Variants in ANTXR2 observed in about 807,000 individuals in gnomAD.
ANTXR2 encodes the protein anthrax toxin receptor 2.
Under a neutral mutation model 73.7 loss-of-function variants are expected in ANTXR2, and 44 were observed. That is an observed-to-expected ratio of 0.60 (90% CI 0.47 to 0.77). The LOEUF (loss-of-function observed/expected upper bound fraction) is 0.77, where lower values mean the gene tolerates loss of function less well. Among genes scored for constraint, ANTXR2 ranks in the 30% least tolerant of loss-of-function variants. ANTXR2 has a pLI of 0.00. For missense variants in ANTXR2, 604 were observed against 592.5 expected (o/e 1.02, Z -0.20); for synonymous variants, 217 against 205.9 (o/e 1.05, Z -0.46).
intron 12 of ANTXR2, among the ~76,000 whole-genome samples, chr4:79,993,393 G>A (rs1730564185): frequency 1.3e-5 from 2 of 151,712 alleles, no homozygotes; most frequent in African/African-American, 4.8e-5. Context: ...GAGATAGACT[G>A]CAGAGGGAAG....
At position 80,000,930 on chromosome 4, in the gene ANTXR2, CT is replaced by C. The variant is rs147589183; in HGVS notation, c.1041+7590del. Among the ~76,000 whole-genome samples the C allele has an allele frequency of 4.8e-3, 733 of 152,152 alleles. 2 individuals carry two copies. The highest frequency in any genetic ancestry group is 7.2e-3 in the Non-Finnish European group (487 of 67,976). On this transcript the variant is annotated intron_variant, in intron 12 of 16. Transcript: ENST00000403729. ...GCTCCTCTAGCAAATCATATCACCC[CT>C]GAGGAAGCTGTCCATGGATCTCTGT...
In ANTXR2 at chr4:80,067,248, T is replaced by C. The variant is rs552293030; in HGVS notation, c.296+2188A>G. 2.6e-5 allele frequency among the ~76,000 whole-genome samples: 4 copies of C among 151,970 alleles called. No homozygotes were observed. In the South Asian group the frequency reaches 8.3e-4, roughly 32 times the overall value. Reference sequence around the variant, plus strand: ...AGAAAGAAAGGCCTCTTCTGTAACCTATCTCAGTGTCTCCCCTATTAGATT... The same window carrying C: ...AGAAAGAAAGGCCTCTTCTGTAACCCATCTCAGTGTCTCCCCTATTAGATT... On this transcript the variant is annotated intron_variant, in intron 3 of 16. Coordinates refer to ENST00000403729, the MANE Select transcript of ANTXR2 (RefSeq NM_058172.6).
At chr4:80,067,540 G>A (rs986186255) in intron 3 of ANTXR2, among the ~76,000 whole-genome samples, 1 of 152,010 alleles carries the variant, frequency 6.6e-6, no homozygotes, top group African/African-American at 2.4e-5. Context: ...TTTTTTTCTG[G>A]ATTGGCTAGA....
chr4:80,028,073 A>C (rs954211987), intron 10 of ANTXR2, among the ~76,000 whole-genome samples: 1 of 152,094 alleles, frequency 6.6e-6, no homozygotes, highest in African/African-American at 2.4e-5. Flanking sequence ...GTGTTCATCC[A>C]AAAAAATAGA....
intron 16 of ANTXR2, among the ~76,000 whole-genome samples, chr4:79,932,287 T>G (rs1329042364): frequency 6.6e-6 from 1 of 152,166 alleles, no homozygotes; most frequent in Non-Finnish European, 1.5e-5. Flanking sequence ...CTGAAGATTA[T>G]ATTTTCTTTC....
chr4:79,948,068 G>C (rs1578103916), intron 16 of ANTXR2, among the ~76,000 whole-genome samples: 1 of 152,050 alleles, frequency 6.6e-6, no homozygotes, highest in African/African-American at 2.4e-5. Context: ...ATGTAAGATG[G>C]AATTATTTTT....
chr4:80,055,127 T>A, intron 6 of ANTXR2, 23 bp downstream of exon 6: 5 of 1,539,376 alleles, frequency 3.2e-6, no homozygotes, highest in Non-Finnish European at 4.4e-6. Context: ...CAGATTAAAG[T>A]TTGCAGATCT....
chr4:80,009,463 A>G (rs1731464725), intron 11 of ANTXR2, among the ~76,000 whole-genome samples: 1 of 152,198 alleles, frequency 6.6e-6, no homozygotes, highest in Admixed American at 6.5e-5. Context: ...TGTTTAATTT[A>G]TATTTTCTAC....
chr4:79,922,970 T>C (rs1373697088), intron 16 of ANTXR2, among the ~76,000 whole-genome samples: 1 of 152,100 alleles, frequency 6.6e-6, no homozygotes, highest in East Asian at 1.9e-4. Flanking sequence ...TAATATTTTT[T>C]AGCAAACAAA....
chr4:80,058,951 ACCC>A (rs1734124700), intron 3 of ANTXR2, among the ~76,000 whole-genome samples: 1 of 151,942 alleles, frequency 6.6e-6, no homozygotes, highest in Admixed American at 6.6e-5. Context: ...TTTCTTTGTC[ACCC>A]CCAAGTAGTT....
rs1201431332 is a variant in ANTXR2 at position 79,905,621 on chromosome 4, A to G, written c.*1808T>C. 6.6e-6 allele frequency: 1 copy of G among 152,236 alleles called. No individual in the cohort carries two copies. Among genetic ancestry groups the G allele is most frequent in the African/African-American group, 2.4e-5 (1 of 41,456 alleles). The allele number at this position is 152,236 out of a possible 1,614,324, so 9.4% of individuals were successfully genotyped here. ...TGTGTGGACACATGACTTTGGATCC[A>G]GCCAGCCAGTGACATAAATAAACTT... On this transcript the variant is annotated 3_prime_UTR_variant, in exon 17 of 17. Coordinates refer to ENST00000403729, the MANE Select transcript of ANTXR2 (RefSeq NM_058172.6).
intron 10 of ANTXR2, chr4:80,024,699 G>T (rs954035260): frequency 4.4e-6 from 2 of 453,926 alleles, no homozygotes; most frequent in East Asian, 7.1e-5. Flanking sequence ...AAGGCCAAAA[G>T]TACAGTGAGT....
chr4:79,988,205 C>A, intron 12 of ANTXR2, among the ~76,000 whole-genome samples: 1 of 130,054 alleles, frequency 7.7e-6, no homozygotes, highest in Non-Finnish European at 1.6e-5. Context: ...ACACTATATT[C>A]AAGAAATTCA....
At chr4:79,963,734 T>A (rs946199389) in intron 16 of ANTXR2, among the ~76,000 whole-genome samples, 1 of 152,178 alleles carries the variant, frequency 6.6e-6, no homozygotes, top group Non-Finnish European at 1.5e-5. Context: ...AGCTCTTTCT[T>A]ATCAGGATAA....
At chr4:79,947,472 T>C (rs1474370056) in intron 16 of ANTXR2, among the ~76,000 whole-genome samples, 1 of 152,128 alleles carries the variant, frequency 6.6e-6, no homozygotes, top group African/African-American at 2.4e-5. Flanking sequence ...AAAAGTTTTT[T>C]ATTTTGCCCC....
At chr4:79,921,040 T>C (rs572557160) in intron 16 of ANTXR2, among the ~76,000 whole-genome samples, 2 of 152,112 alleles carry the variant, frequency 1.3e-5, no homozygotes, top group Non-Finnish European at 2.9e-5. Flanking sequence ...GGAAACAGTA[T>C]AAATTAGTTT....
chr4:80,058,457 G>A (rs915085504), intron 3 of ANTXR2, among the ~76,000 whole-genome samples: 3 of 151,804 alleles, frequency 2.0e-5, no homozygotes, highest in African/African-American at 7.3e-5. Flanking sequence ...CTCCCTTCAG[G>A]GTAACTACCT....
intron 12 of ANTXR2, among the ~76,000 whole-genome samples, chr4:80,002,391 C>T (rs555658685): frequency 1.3e-5 from 2 of 152,208 alleles, no homozygotes; most frequent in East Asian, 3.9e-4. Flanking sequence ...CTTCCTTACA[C>T]CTTATACAAA....
At chr4:79,988,194 T>C (rs1262692732) in intron 12 of ANTXR2, among the ~76,000 whole-genome samples, 1 of 142,402 alleles carries the variant, frequency 7.0e-6, no homozygotes, top group Non-Finnish European at 1.5e-5. Flanking sequence ...AACCCAACTA[T>C]ACACTATATT....
Sources: gnomAD v4.1 joint callset for allele counts (sites outside exome capture counted in the v4.1 genomes callset) on GRCh38, gnomAD v4.1.1 for gene constraint, MANE v1.5 for transcripts, NCBI Gene and HGNC (gene_info 2026-07-23, HGNC 2026-07-21) for gene names.